EGF: variants seen among roughly 807,000 people sequenced by gnomAD.
The protein encoded by EGF is epidermal growth factor.
A neutral mutation model predicts 143.8 loss-of-function variants in EGF; 95 were observed. That is an observed-to-expected ratio of 0.66 (90% CI 0.56 to 0.78). The LOEUF (loss-of-function observed/expected upper bound fraction) is 0.78, where lower values mean the gene tolerates loss of function less well. Ranked by LOEUF, EGF falls within the 30% of genes least tolerant of loss-of-function variation. The pLI is 0.00. For missense variants in EGF, 1,320 were observed against 1,470.9 expected, an observed-to-expected ratio of 0.90 and a Z score of 1.68; for synonymous variants, 510 against 510.5, an observed-to-expected ratio of 1.00 and a Z score of 0.01.
At chr4:110,000,717 A>G (rs1375580006) in intron 21 of EGF, among the ~76,000 whole-genome samples, 2 of 152,234 alleles carry the variant, frequency 1.3e-5, no homozygotes, top group Admixed American at 1.3e-4. Flanking sequence ...GTTTTCTTAG[A>G]AAGTAGGACA....
chr4:109,919,189 T>C (rs1223493564), intron 1 of EGF, among the ~76,000 whole-genome samples: 1 of 152,194 alleles, frequency 6.6e-6, no homozygotes. Context: ...TTCAAAGTAA[T>C]CATTTTTCTT....
intron 19 of EGF, among the ~76,000 whole-genome samples, chr4:109,993,802 C>G (rs960965157): frequency 5.9e-5 from 9 of 152,044 alleles, no homozygotes; most frequent in Admixed American, 5.9e-4. Context: ...AACTCCAGCT[C>G]TCTTCTCTTT....
Position 109,980,039 on chromosome 4 carries a change from A to T in EGF, c.2121A>T (p.Val707=). The T allele has an allele frequency of 2.5e-6, 4 of 1,614,084 alleles. No individual in the cohort carries two copies. The highest frequency in any genetic ancestry group is 3.4e-6 in the Non-Finnish European group (4 of 1,179,946). ...VWFSDWAMPS[V]MRVNKRTGKD... ...TCTCAGATTGGGCTATGCCATCAGTAATGAGAGTAAACAAGAGGACTGGCA... is the reference window on the plus strand; with the variant it reads ...TCTCAGATTGGGCTATGCCATCAGTTATGAGAGTAAACAAGAGGACTGGCA... Residue 707 remains valine, a synonymous_variant, in exon 14 of 24, where the codon GTA becomes GTT. Coordinates refer to ENST00000265171, the MANE Select transcript of EGF (RefSeq NM_001963.6).
At chr4:109,943,755 T>G (rs1742333840) in intron 3 of EGF, 87 bp from the exon 4 acceptor site, 1 of 1,148,632 alleles carries the variant, frequency 8.7e-7, no homozygotes, top group African/African-American at 1.5e-5. Flanking sequence ...ACTTGCCCTG[T>G]GAAGGAGCTG....
rs143196620 is a variant in EGF, at chr4:109,921,398, T to C, written c.127+7936T>C. Among the ~76,000 whole-genome samples, 14 of 151,576 alleles carry C rather than the reference T, an allele frequency of 9.2e-5. No homozygotes were observed. The East Asian group carries it at 2.5e-3, about 27-fold the overall frequency. Reference sequence around the variant, plus strand: ...GACTTGATTTTCTGATTCTCCCAAGTTGACCAAACATACTAATGCCTCTCA... The same window carrying C: ...GACTTGATTTTCTGATTCTCCCAAGCTGACCAAACATACTAATGCCTCTCA... On this transcript the variant is annotated intron_variant, in intron 1 of 23. Coordinates refer to ENST00000265171, the MANE Select transcript of EGF (RefSeq NM_001963.6).
intron 1 of EGF, among the ~76,000 whole-genome samples, chr4:109,919,292 TCTC>T (rs1737287096): frequency 4.6e-5 from 1 of 21,918 alleles, no homozygotes. Flanking sequence ...TCTCTGTCTC[TCTC>T]TCTCTCTCTC....
intron 16 of EGF, among the ~76,000 whole-genome samples, chr4:109,985,101 C>A (rs1345957497): frequency 6.6e-6 from 1 of 152,132 alleles, no homozygotes; most frequent in Non-Finnish European, 1.5e-5. Flanking sequence ...GACTGAAAGA[C>A]TAAGATAAAT....
chr4:109,915,523 G>T (rs1440980361), intron 1 of EGF, among the ~76,000 whole-genome samples: 1 of 152,154 alleles, frequency 6.6e-6, no homozygotes, highest in Non-Finnish European at 1.5e-5. Flanking sequence ...GGGATTCCCT[G>T]CCTCTCTGCT....
chr4:109,990,449 C>T (rs1750777986), intron 18 of EGF, among the ~76,000 whole-genome samples: 1 of 152,072 alleles, frequency 6.6e-6, no homozygotes, highest in African/African-American at 2.4e-5. Context: ...ATTTCATTTG[C>T]AGAAATGTGA....
chr4:109,973,833 A>G (rs1348195893), intron 11 of EGF, among the ~76,000 whole-genome samples: 1 of 152,234 alleles, frequency 6.6e-6, no homozygotes. Context: ...AATAAATAGA[A>G]AAATCAGGAA....
chr4:109,960,502 G>A lies in EGF; in HGVS notation c.1067-365G>A, dbSNP rs888778312. 4.6e-5 allele frequency among the ~76,000 whole-genome samples: 7 copies of A among 152,226 alleles called. No homozygotes were observed. In the East Asian group the frequency reaches 9.7e-4, roughly 21 times the overall value. On this transcript the variant is annotated intron_variant, in intron 6 of 23. Coordinates refer to ENST00000265171, the MANE Select transcript of EGF (RefSeq NM_001963.6). ...TCTACAAAATATACAAAAATTAGCT[G>A]AGTGTTGTGGTGTGCACCTGTAGTC... is the stretch of plus-strand genomic sequence containing the variant.
At chr4:109,941,776 C>T (rs1579537847) in intron 2 of EGF, among the ~76,000 whole-genome samples, 1 of 152,288 alleles carries the variant, frequency 6.6e-6, no homozygotes. Flanking sequence ...TCTCACAGAG[C>T]TTGCACTCCG....
chr4:109,989,374 C>T (rs554499301), intron 18 of EGF, among the ~76,000 whole-genome samples: 4 of 152,262 alleles, frequency 2.6e-5, no homozygotes, highest in Non-Finnish European at 4.4e-5. Flanking sequence ...TGCCTGAAGC[C>T]GTCTGAGGCA....
intron 10 of EGF, among the ~76,000 whole-genome samples, chr4:109,966,526 T>C (rs1457659083): frequency 2.0e-5 from 3 of 152,138 alleles, no homozygotes; most frequent in Non-Finnish European, 4.4e-5. Context: ...GTCTTTTTGA[T>C]ATAATACTTT....
intron 22 of EGF, among the ~76,000 whole-genome samples, chr4:110,005,303 C>T (rs1390857993): frequency 7.9e-5 from 12 of 151,948 alleles, no homozygotes; most frequent in Admixed American, 7.9e-4. Context: ...GCCCGGGCCT[C>T]TCAAAGTGCT....
At chr4:109,959,523 GT>G in intron 6 of EGF, 86 bp downstream of exon 6, 1 of 1,607,246 alleles carries the variant, frequency 6.2e-7, no homozygotes, top group Non-Finnish European at 8.5e-7. Context: ...CTTGTCTTCA[GT>G]GGGCCAGCCA....
At chr4:109,956,325 A>C (rs960609380) in intron 5 of EGF, among the ~76,000 whole-genome samples, 4 of 152,198 alleles carry the variant, frequency 2.6e-5, no homozygotes, top group Non-Finnish European at 4.4e-5. Flanking sequence ...GAGTTTGGAA[A>C]GATTTTTATA....
chr4:109,958,361 C>T (rs1745132094), intron 5 of EGF, among the ~76,000 whole-genome samples: 1 of 152,152 alleles, frequency 6.6e-6, no homozygotes, highest in Non-Finnish European at 1.5e-5. Context: ...CTAGTTTAGC[C>T]CTTGATTCTG....
chr4:109,916,075 T>C (rs891253188), intron 1 of EGF, among the ~76,000 whole-genome samples: 2 of 152,162 alleles, frequency 1.3e-5, no homozygotes, highest in Admixed American at 1.3e-4. Flanking sequence ...ACCTGCATTA[T>C]TTATATGAAC....
Sources: gnomAD v4.1 joint callset for allele counts (sites outside exome capture counted in the v4.1 genomes callset) on GRCh38, gnomAD v4.1.1 for gene constraint, MANE v1.5 for transcripts, NCBI Gene and HGNC (gene_info 2026-07-23, HGNC 2026-07-21) for gene names.